The following ANTXR2 variants were observed in gnomAD, a reference collection of about 807,000 sequenced individuals.
ANTXR2 encodes ANTXR cell adhesion molecule 2, also known as anthrax toxin receptor 2.
A neutral mutation model predicts 73.7 loss-of-function variants in ANTXR2; 44 were observed. That is an observed-to-expected ratio of 0.60 (90% CI 0.47 to 0.77). The LOEUF is 0.77. ANTXR2 is among the 30% of genes least tolerant of loss of function. The pLI, the probability that ANTXR2 is intolerant of heterozygous loss-of-function variation, is 0.00. For synonymous variants in ANTXR2, 217 were observed against 205.9 expected (o/e 1.05, Z -0.46); for missense variants, 604 against 592.5 (o/e 1.02, Z -0.20).
chr4:80,011,282 TC>T (rs1251564718), intron 11 of ANTXR2, among the ~76,000 whole-genome samples: 1 of 70,932 alleles, frequency 1.4e-5, no homozygotes, highest in Non-Finnish European at 4.7e-5. Flanking sequence ...TATCTATCTA[TC>T]TATCTATCTA....
chr4:79,932,219 A>C (rs1313501472), intron 16 of ANTXR2, among the ~76,000 whole-genome samples: 1 of 152,184 alleles, frequency 6.6e-6, no homozygotes, highest in Non-Finnish European at 1.5e-5. Flanking sequence ...ATATATGCTT[A>C]CATGTTAAAT....
At chr4:79,964,137 A>C (rs1560913947) in intron 16 of ANTXR2, among the ~76,000 whole-genome samples, 2 of 152,338 alleles carry the variant, frequency 1.3e-5, no homozygotes, top group East Asian at 3.9e-4. Flanking sequence ...CTGTATACAC[A>C]CTTTTATGTC....
At chr4:79,950,737 T>A (rs1367812175) in intron 16 of ANTXR2, among the ~76,000 whole-genome samples, 2 of 152,178 alleles carry the variant, frequency 1.3e-5, no homozygotes, top group Non-Finnish European at 2.9e-5. Context: ...ACAGTTTGAA[T>A]GATCAAAAAA....
chr4:79,975,505 A>T (rs1308617128), intron 16 of ANTXR2, among the ~76,000 whole-genome samples: 1 of 152,256 alleles, frequency 6.6e-6, no homozygotes, highest in Non-Finnish European at 1.5e-5. Flanking sequence ...AGAAAATATA[A>T]AGCATTAGCA....
At chr4:80,053,569 C>T (rs544253854) in intron 7 of ANTXR2, among the ~76,000 whole-genome samples, 4 of 151,630 alleles carry the variant, frequency 2.6e-5, no homozygotes, top group African/African-American at 9.6e-5. Flanking sequence ...TATTCACTTC[C>T]ATTTTAGGAT....
At chr4:79,987,265 C>A (rs1054118618) in intron 12 of ANTXR2, among the ~76,000 whole-genome samples, 1 of 138,062 alleles carries the variant, frequency 7.2e-6, no homozygotes, top group African/African-American at 2.7e-5. Context: ...AATGACATTG[C>A]CATTTTAAGA....
chr4:80,029,304 T>G (rs1732579649), intron 10 of ANTXR2, among the ~76,000 whole-genome samples: 1 of 151,972 alleles, frequency 6.6e-6, no homozygotes, highest in African/African-American at 2.4e-5. Flanking sequence ...TAAATTACTT[T>G]CTTTAACTAG....
rs186204351 is a variant in ANTXR2, at chr4:79,903,259, T to C, written c.*4170A>G. Reference sequence around the variant, plus strand: ...TGTTCAACATCAGCAAGCTAGTTGATGGCTGGGTCTATGGTCTAGGACCTC... The same window carrying C: ...TGTTCAACATCAGCAAGCTAGTTGACGGCTGGGTCTATGGTCTAGGACCTC... On this transcript the variant is annotated 3_prime_UTR_variant, in exon 17 of 17. Coordinates refer to ENST00000403729, the MANE Select transcript of ANTXR2 (RefSeq NM_058172.6). 5.3e-5 allele frequency: 8 copies of C among 152,102 alleles called. No homozygotes were observed. Among genetic ancestry groups the C allele is most frequent in the Admixed American group, 5.3e-4 (8 of 15,234 alleles). 9.4% of individuals were successfully genotyped at this position (152,102 alleles called of 1,614,324 possible).
intron 16 of ANTXR2, among the ~76,000 whole-genome samples, chr4:79,916,017 G>A (rs1014779608): frequency 2.0e-5 from 3 of 151,860 alleles, no homozygotes; most frequent in African/African-American, 4.8e-5. Context: ...GCACCATATG[G>A]ATATTCAGTA....
At chr4:79,977,950 A>T in intron 15 of ANTXR2, 57 bp downstream of exon 15, 1 of 1,514,496 alleles carries the variant, frequency 6.6e-7, no homozygotes, top group Non-Finnish European at 8.9e-7. Flanking sequence ...TGGTACAAAA[A>T]AAGTTACAAT....
intron 8 of ANTXR2, among the ~76,000 whole-genome samples, chr4:80,034,110 A>C (rs1273072485): frequency 6.6e-6 from 1 of 152,098 alleles, no homozygotes; most frequent in African/African-American, 2.4e-5. Flanking sequence ...TCTATTTCAA[A>C]CCTATAAATA....
intron 2 of ANTXR2, among the ~76,000 whole-genome samples, chr4:80,070,263 C>G (rs1734727901): frequency 6.6e-6 from 1 of 152,180 alleles, no homozygotes; most frequent in South Asian, 2.1e-4. Flanking sequence ...ATTAGTCACC[C>G]CTTATTCACT....
chr4:80,017,333 T>C (rs1731920994), intron 11 of ANTXR2, among the ~76,000 whole-genome samples: 1 of 152,164 alleles, frequency 6.6e-6, no homozygotes, highest in Non-Finnish European at 1.5e-5. Context: ...CTCACTCCCT[T>C]ACCTTCAAGT....
intron 16 of ANTXR2, among the ~76,000 whole-genome samples, chr4:79,923,696 T>C (rs753923252): frequency 1.3e-5 from 2 of 152,142 alleles, no homozygotes; most frequent in Non-Finnish European, 2.9e-5. Context: ...TGTACACATA[T>C]AATGAAGTAG....
chr4:79,916,555 C>T (rs1727362283), intron 16 of ANTXR2, among the ~76,000 whole-genome samples: 1 of 151,856 alleles, frequency 6.6e-6, no homozygotes, highest in South Asian at 2.1e-4. Context: ...AAAAAAATTT[C>T]TCATAATATG....
rs1726741380 is a variant in ANTXR2, at chr4:79,902,407, C to A, written c.*5022G>T. Reference sequence around the variant, plus strand: ...CAGGCATAGTAACTGTCAATTAAGACTTTTTTTCCAATTTTGACTAAAAAA... The same window carrying A: ...CAGGCATAGTAACTGTCAATTAAGAATTTTTTTCCAATTTTGACTAAAAAA... On this transcript the variant is annotated 3_prime_UTR_variant, in exon 17 of 17. Coordinates refer to ENST00000403729, the MANE Select transcript of ANTXR2 (RefSeq NM_058172.6). 6.6e-6 allele frequency: 1 copy of A among 152,050 alleles called. No individual in the cohort carries two copies. Among genetic ancestry groups the A allele is most frequent in the Non-Finnish European group, 1.5e-5 (1 of 67,988 alleles). The allele number at this position is 152,050 out of a possible 1,614,324, so 9.4% of individuals were successfully genotyped here. A position where few individuals can be genotyped will look rare whatever the true frequency, so the allele number is the denominator to read the frequency against.
chr4:79,985,838 CTT>C (rs572381265), intron 12 of ANTXR2, among the ~76,000 whole-genome samples: 35,292 of 111,638 alleles, frequency 0.32, 4,764 homozygotes, highest in Admixed American at 0.41. Flanking sequence ...ACAGTTAATT[CTT>C]TTTTTTTTTT....
chr4:79,980,625 G>T (rs1284606252), intron 14 of ANTXR2, among the ~76,000 whole-genome samples: 1 of 150,954 alleles, frequency 6.6e-6, no homozygotes, highest in East Asian at 1.9e-4. Flanking sequence ...TCAGAATCGA[G>T]AAAAGAAACA....
intron 12 of ANTXR2, among the ~76,000 whole-genome samples, chr4:80,005,859 G>A (rs1373899765): frequency 6.6e-6 from 1 of 152,090 alleles, no homozygotes; most frequent in Non-Finnish European, 1.5e-5. Flanking sequence ...AATCTCTCCA[G>A]TGGCTTCTCG....
Sources: allele counts gnomAD v4.1 joint callset (sites outside exome capture counted in the v4.1 genomes callset), GRCh38; gene constraint gnomAD v4.1.1; transcripts MANE v1.5; gene names NCBI Gene and HGNC (gene_info 2026-07-23, HGNC 2026-07-21).